C2orf76: variants seen among roughly 807,000 people sequenced by gnomAD.
C2orf76 encodes the protein chromosome 2 open reading frame 76.
C2orf76 carries 23 observed loss-of-function variants against 16.9 expected under a neutral mutation model. That is an observed-to-expected ratio of 1.36 (90% CI 0.98 to 1.93). C2orf76 has a LOEUF of 1.93. C2orf76 is among the 30% of genes most tolerant of loss of function. C2orf76 has a pLI of 0.00. For synonymous variants in C2orf76, 48 were observed against 52.3 expected, an observed-to-expected ratio of 0.92 and a Z score of 0.35; for missense variants, 152 against 152.6, an observed-to-expected ratio of 1.00 and a Z score of 0.02.
At chr2:119,366,953 A>G, upstream of C2orf76, 1 of 1,492,670 alleles carries the variant, frequency 6.7e-7, no homozygotes, top group Admixed American at 1.7e-5. Flanking sequence ...GGGCGAGTGG[A>G]CCGCGCCTCT....
intron 2 of C2orf76, chr2:119,338,780 A>G (rs1679933009): frequency 6.6e-6 from 1 of 152,282 alleles, no homozygotes. Flanking sequence ...CCCAGGGCTT[A>G]TATCATAGGG....
In C2orf76 at chr2:119,339,927, G is replaced by A; in HGVS notation, c.33C>T (p.Arg11=). 1 of 1,612,890 alleles carries A rather than the reference G, an allele frequency of 6.2e-7. No individual in the cohort carries two copies. The highest frequency in any genetic ancestry group is 1.1e-5 in the South Asian group (1 of 91,040). Reference sequence around the variant, plus strand: ...TGCGATGTTCAAAGGAACGGATGAGGCGAACTGTGATGGTCACTTCTCCAG... The same window carrying A: ...TGCGATGTTCAAAGGAACGGATGAGACGAACTGTGATGGTCACTTCTCCAG... The part of the protein sequence containing the change: MAPGEVTITV[R]LIRSFEHRNF... Residue 11 remains arginine (R), a synonymous_variant, in exon 2 of 6, where the codon CGC becomes CGT. Coordinates refer to ENST00000334816, the MANE Select transcript of C2orf76 (RefSeq NM_001322331.2).
intron 1 of C2orf76, among the ~76,000 whole-genome samples, chr2:119,347,684 C>A (rs1680248844): frequency 1.3e-5 from 2 of 152,158 alleles, no homozygotes; most frequent in South Asian, 4.2e-4. Context: ...CCAGCCTGGG[C>A]AACATATCGA....
intron 3 of C2orf76, among the ~76,000 whole-genome samples, chr2:119,318,963 G>A (rs560075585): frequency 7.2e-5 from 11 of 151,786 alleles, no homozygotes; most frequent in African/African-American, 2.4e-4. Context: ...CTTAAAATGT[G>A]TGTAAGAAAA....
the C2orf76 span, among the ~76,000 whole-genome samples, chr2:119,293,899 A>C: frequency 6.6e-6 from 1 of 151,778 alleles, no homozygotes; most frequent in African/African-American, 2.4e-5. Context: ...GCTCAGCTGG[A>C]GTGTGTTATC....
At chr2:119,358,396 G>A (rs1249217561) in intron 1 of C2orf76, among the ~76,000 whole-genome samples, 1 of 152,064 alleles carries the variant, frequency 6.6e-6, no homozygotes, top group Non-Finnish European at 1.5e-5. Flanking sequence ...GACCAACATG[G>A]AGGAACCCCT....
chr2:119,302,390 ATTTG>A lies in C2orf76; in HGVS notation c.*78_*81del, dbSNP rs1285466429. The stretch of plus-strand genomic sequence containing the variant: ...TATAGCCTGGGATTAATTTTTTAAG[ATTTG>A]TTTGTCAATTTCAAAAATTCAGCAG... On this transcript the variant is annotated 3_prime_UTR_variant, in exon 6 of 6. Transcript: ENST00000334816. The A allele has an allele frequency of 5.0e-6, 3 of 596,142 alleles. No homozygotes were observed. The highest frequency in any genetic ancestry group is 3.0e-5 in the East Asian group (1 of 33,448). The allele number at this position is 596,142 out of a possible 1,614,324, so 36.9% of individuals were successfully genotyped here. A position where few individuals can be genotyped will look rare whatever the true frequency, so the allele number is the denominator to read the frequency against.
At chr2:119,360,051 C>G (rs1680694407) in intron 1 of C2orf76, among the ~76,000 whole-genome samples, 1 of 152,182 alleles carries the variant, frequency 6.6e-6, no homozygotes, top group East Asian at 1.9e-4. Flanking sequence ...CCACCCCAAC[C>G]TTCAGCAACC....
intron 1 of C2orf76, among the ~76,000 whole-genome samples, chr2:119,349,352 C>A (rs962006141): frequency 2.6e-5 from 4 of 152,040 alleles, no homozygotes; most frequent in African/African-American, 9.7e-5. Context: ...GCAAACAATA[C>A]CAAACTTACA....
intron 2 of C2orf76, among the ~76,000 whole-genome samples, chr2:119,330,598 AGTTTTCATCAT>A (rs1679646198): frequency 6.6e-6 from 1 of 151,914 alleles, no homozygotes; most frequent in East Asian, 1.9e-4. Context: ...GTGAGTCTCT[AGTTTTCATCAT>A]ATTTGTAAAA....
At chr2:119,323,648 A>G (rs1478233523) in intron 2 of C2orf76, among the ~76,000 whole-genome samples, 1 of 152,132 alleles carries the variant, frequency 6.6e-6, no homozygotes, top group Non-Finnish European at 1.5e-5. Context: ...AAACAAAACA[A>G]AACAAAAAAA....
chr2:119,281,597 T>C, the C2orf76 span, among the ~76,000 whole-genome samples: 1 of 152,154 alleles, frequency 6.6e-6, no homozygotes, highest in Non-Finnish European at 1.5e-5. Context: ...AAAACAGATC[T>C]TCCACAGAGT....
intron 1 of C2orf76, among the ~76,000 whole-genome samples, chr2:119,343,261 T>G (rs1160118803): frequency 1.3e-5 from 2 of 152,156 alleles, no homozygotes; most frequent in African/African-American, 4.8e-5. Context: ...TACCACATAA[T>G]AGCAGTTCAG....
At chr2:119,330,947 A>G (rs1248784348) in intron 2 of C2orf76, among the ~76,000 whole-genome samples, 2 of 152,142 alleles carry the variant, frequency 1.3e-5, no homozygotes, top group African/African-American at 2.4e-5. Flanking sequence ...AACATTTTGC[A>G]ATATGGTCAT....
intron 2 of C2orf76, among the ~76,000 whole-genome samples, chr2:119,332,979 C>A (rs1258194312): frequency 1.3e-5 from 2 of 152,186 alleles, no homozygotes; most frequent in Non-Finnish European, 2.9e-5. Context: ...GTGATCCTCC[C>A]GCTTTGGCCT....
At chr2:119,361,227 C>T (rs1471748126) in intron 1 of C2orf76, among the ~76,000 whole-genome samples, 1 of 152,166 alleles carries the variant, frequency 6.6e-6, no homozygotes, top group Admixed American at 6.5e-5. Context: ...GGGTTTGTTA[C>T]CCACGGCCAA....
At chr2:119,311,371 G>A (rs966554681) in intron 5 of C2orf76, 1 of 985,310 alleles carries the variant, frequency 1.0e-6, no homozygotes, top group Non-Finnish European at 1.2e-6. Flanking sequence ...ACCCTCAGGA[G>A]AATTCTGAGC....
chr2:119,343,771 C>T (rs934080080), intron 1 of C2orf76, among the ~76,000 whole-genome samples: 1 of 152,096 alleles, frequency 6.6e-6, no homozygotes, highest in Admixed American at 6.6e-5. Flanking sequence ...CAGAGTGAGA[C>T]TCCATCTCAA....
At chr2:119,294,825 CAGGTGTAGA>C in the C2orf76 span, among the ~76,000 whole-genome samples, 1 of 152,138 alleles carries the variant, frequency 6.6e-6, no homozygotes, top group Non-Finnish European at 1.5e-5. Context: ...TGTTCAGGTG[CAGGTGTAGA>C]AGGCGGAGCG....
Sources: allele counts gnomAD v4.1 joint callset (sites outside exome capture counted in the v4.1 genomes callset), GRCh38; gene constraint gnomAD v4.1.1; transcripts MANE v1.5; gene names NCBI Gene and HGNC (gene_info 2026-07-23, HGNC 2026-07-21).